INPP4A: variants seen among roughly 807,000 people sequenced by gnomAD.
The protein encoded by INPP4A is inositol polyphosphate-4-phosphatase, type I, 107kD.
Under a neutral mutation model 119.8 loss-of-function variants are expected in INPP4A, and 33 were observed. The ratio of observed to expected loss-of-function variants is 0.28; its 90% CI spans 0.21 to 0.37. The LOEUF (loss-of-function observed/expected upper bound fraction) is 0.37. INPP4A is among the 10% of genes least tolerant of loss of function. The pLI is 1.00. For missense variants in INPP4A, 956 were observed against 1,289.9 expected, an observed-to-expected ratio of 0.74 and a Z score of 3.97; for synonymous variants, 496 against 500.7, an observed-to-expected ratio of 0.99 and a Z score of 0.12.
chr2:98,563,783 A>G, intron 18 of INPP4A, 146 bp downstream of exon 18: 2 of 790,206 alleles, frequency 2.5e-6, no homozygotes, highest in Non-Finnish European at 4.0e-6. Flanking sequence ...AGGTTATTTA[A>G]TAGAGAGGTC....
At chr2:98,496,752 G>C (rs1055905475) in intron 1 of INPP4A, among the ~76,000 whole-genome samples, 5 of 152,238 alleles carry the variant, frequency 3.3e-5, no homozygotes, top group African/African-American at 1.2e-4. Flanking sequence ...TGGCCAACAG[G>C]TATAGGAAGA....
At position 98,490,801 on chromosome 2, in the gene INPP4A, G is replaced by T. The variant is rs184473285; in HGVS notation, c.-165-28163G>T. Among the ~76,000 whole-genome samples the T allele has an allele frequency of 7.3e-4, 111 of 152,220 alleles. 1 individual carries two copies. The highest frequency in any genetic ancestry group is 2.5e-3 in the African/African-American group (104 of 41,526). Reference sequence around the variant, plus strand: ...GGATGGAGATCCTCTGCCTGCCTCCGGCCAAACAACAGCTTGAGTTTAATC... The same window carrying T: ...GGATGGAGATCCTCTGCCTGCCTCCTGCCAAACAACAGCTTGAGTTTAATC... On this transcript the variant is annotated intron_variant, in intron 1 of 24. Coordinates refer to ENST00000409851, the MANE Select transcript of INPP4A (RefSeq NM_001134225.2).
chr2:98,568,936 T>G (rs1467251503), intron 22 of INPP4A: 2 of 374,824 alleles, frequency 5.3e-6, no homozygotes, highest in Non-Finnish European at 9.9e-6. Context: ...ACAAGATGTG[T>G]TTGGTGGCAT....
chr2:98,545,443 A>T (rs1281235409), intron 11 of INPP4A, among the ~76,000 whole-genome samples: 1 of 152,194 alleles, frequency 6.6e-6, no homozygotes, highest in Non-Finnish European at 1.5e-5. Context: ...AATCAATGCT[A>T]TATTGCATTT....
intron 17 of INPP4A, among the ~76,000 whole-genome samples, chr2:98,559,911 G>A (rs570517063): frequency 6.6e-6 from 1 of 152,326 alleles, no homozygotes; most frequent in Non-Finnish European, 1.5e-5. Flanking sequence ...AGAAACCAAT[G>A]TTTATGGTTC....
At chr2:98,525,423 C>T (rs1688013673) in intron 4 of INPP4A, among the ~76,000 whole-genome samples, 1 of 152,186 alleles carries the variant, frequency 6.6e-6, no homozygotes, top group South Asian at 2.1e-4. Context: ...TCTGTAAAGT[C>T]CCTTTTGCCA....
chr2:98,552,128 T>G (rs1693643949), intron 13 of INPP4A, among the ~76,000 whole-genome samples: 1 of 152,206 alleles, frequency 6.6e-6, no homozygotes, highest in African/African-American at 2.4e-5. Context: ...CGGCTTTGCC[T>G]GTGGCTTGGC....
intron 23 of INPP4A, among the ~76,000 whole-genome samples, chr2:98,575,532 A>T (rs1011635731): frequency 2.6e-5 from 4 of 151,262 alleles, no homozygotes; most frequent in African/African-American, 9.7e-5. Context: ...AGGGCCTGTT[A>T]TTTTTTTTTC....
At chr2:98,563,686 A>C in intron 18 of INPP4A, 49 bp downstream of exon 18, 2 of 1,584,648 alleles carry the variant, frequency 1.3e-6, no homozygotes, top group Non-Finnish European at 1.7e-6. Flanking sequence ...CTCTCAGCTC[A>C]GAAAAGACAG....
At chr2:98,507,679 T>A (rs1451895676) in intron 1 of INPP4A, among the ~76,000 whole-genome samples, 3 of 152,110 alleles carry the variant, frequency 2.0e-5, no homozygotes, top group Non-Finnish European at 4.4e-5. Flanking sequence ...AGTTGGGGGC[T>A]GTCTCAGCTC....
intron 10 of INPP4A, among the ~76,000 whole-genome samples, chr2:98,543,215 G>A (rs191122731): frequency 4.5e-4 from 68 of 152,280 alleles, no homozygotes; most frequent in African/African-American, 1.5e-3. Context: ...TCTTTGTCCC[G>A]TACCCAAAAA....
intron 14 of INPP4A, among the ~76,000 whole-genome samples, chr2:98,553,361 C>CGTAAG (rs1559062666): frequency 1.3e-5 from 2 of 151,946 alleles, no homozygotes; most frequent in African/African-American, 4.8e-5. Flanking sequence ...ATTATACAGA[C>CGTAAG]ATAAGAAGAA....
chr2:98,553,294 CT>C (rs1177373253), intron 14 of INPP4A, among the ~76,000 whole-genome samples: 70 of 146,110 alleles, frequency 4.8e-4, no homozygotes, highest in Middle Eastern at 3.7e-3. Context: ...CTAACTAGCA[CT>C]TTTTTTTTTT....
At chr2:98,476,079 T>G (rs1219368776) in intron 1 of INPP4A, among the ~76,000 whole-genome samples, 3 of 152,148 alleles carry the variant, frequency 2.0e-5, no homozygotes, top group Non-Finnish European at 4.4e-5. Context: ...CCTTAATGAG[T>G]CAGACTTGCC....
At chr2:98,552,698 A>T in intron 13 of INPP4A, 88 bp from the exon 14 acceptor site, 1 of 1,045,446 alleles carries the variant, frequency 9.6e-7, no homozygotes. Context: ...ACTTCATCTT[A>T]GGGTCAATTG....
intron 1 of INPP4A, among the ~76,000 whole-genome samples, chr2:98,451,858 A>G (rs1695279507): frequency 6.6e-6 from 1 of 152,190 alleles, no homozygotes; most frequent in East Asian, 1.9e-4. Flanking sequence ...ACAGGGCTCT[A>G]CTAGGAAACA....
At chr2:98,472,572 C>T (rs1676273345) in intron 1 of INPP4A, among the ~76,000 whole-genome samples, 1 of 152,342 alleles carries the variant, frequency 6.6e-6, no homozygotes, top group Middle Eastern at 3.4e-3. Flanking sequence ...TTCATGTGTC[C>T]TCTGTCCTCT....
At chr2:98,572,440 A>C (rs1470620010) in intron 22 of INPP4A, among the ~76,000 whole-genome samples, 9 of 152,002 alleles carry the variant, frequency 5.9e-5, no homozygotes, top group Admixed American at 4.6e-4. Context: ...CCACTGCCCC[A>C]GTTTCTTCTA....
intron 24 of INPP4A, among the ~76,000 whole-genome samples, chr2:98,586,156 C>T (rs979312077): frequency 6.6e-6 from 1 of 152,158 alleles, no homozygotes; most frequent in Non-Finnish European, 1.5e-5. Context: ...CCTTGAGGCT[C>T]CGTGACAAGA....
Sources: gnomAD v4.1 joint callset for allele counts (sites outside exome capture counted in the v4.1 genomes callset) on GRCh38, gnomAD v4.1.1 for gene constraint, MANE v1.5 for transcripts, NCBI Gene and HGNC (gene_info 2026-07-23, HGNC 2026-07-21) for gene names.